FBXL17: variants seen among roughly 807,000 people sequenced by gnomAD.
FBXL17 encodes F-box and leucine rich repeat protein 17.
A neutral mutation model predicts 66.2 loss-of-function variants in FBXL17; 22 were observed. The observed-to-expected ratio is 0.33, with a 90% confidence interval of 0.24 to 0.47. The LOEUF (loss-of-function observed/expected upper bound fraction) is 0.47, where lower values mean the gene tolerates loss of function less well. Among genes scored for constraint, FBXL17 ranks in the 20% least tolerant of loss-of-function variants. FBXL17 has a pLI of 1.00. For missense variants in FBXL17, 878 were observed against 948.2 expected (o/e 0.93, Z 0.97); for synonymous variants, 474 against 400.5 (o/e 1.18, Z -2.19).
intron 7 of FBXL17, among the ~76,000 whole-genome samples, chr5:107,998,533 T>A (rs1196651914): frequency 2.0e-5 from 3 of 151,822 alleles, no homozygotes; most frequent in African/African-American, 7.2e-5. Flanking sequence ...AGATTTAAAT[T>A]AATTCTAAAT....
At chr5:108,143,726 GAAAA>G (rs67537467) in intron 6 of FBXL17, among the ~76,000 whole-genome samples, 1 of 107,546 alleles carries the variant, frequency 9.3e-6, no homozygotes, top group East Asian at 2.8e-4. Context: ...GTTTTCATGG[GAAAA>G]AAAAAAAAAA....
intron 5 of FBXL17, among the ~76,000 whole-genome samples, chr5:108,212,001 T>C (rs915980462): frequency 2.6e-5 from 4 of 152,206 alleles, no homozygotes; most frequent in African/African-American, 7.2e-5. Flanking sequence ...CACAGTCCCA[T>C]ATTTCTTGTT....
intron 3 of FBXL17, among the ~76,000 whole-genome samples, chr5:108,356,301 C>T (rs967870399): frequency 2.0e-5 from 3 of 152,042 alleles, no homozygotes; most frequent in Non-Finnish European, 2.9e-5. Context: ...AGACTCTTAG[C>T]ACATGATCCA....
At chr5:107,908,968 G>A (rs549126623) in intron 7 of FBXL17, among the ~76,000 whole-genome samples, 16 of 152,278 alleles carry the variant, frequency 1.1e-4, no homozygotes, top group Non-Finnish European at 2.2e-4. Flanking sequence ...TTTGCTGGCT[G>A]CAGCACAGCA....
At chr5:107,945,112 C>G (rs1751239216) in intron 7 of FBXL17, among the ~76,000 whole-genome samples, 1 of 151,988 alleles carries the variant, frequency 6.6e-6, no homozygotes, top group African/African-American at 2.4e-5. Context: ...TATGAATGGA[C>G]AATCTAAAAT....
At chr5:108,071,101 A>G (rs1251227422) in intron 6 of FBXL17, among the ~76,000 whole-genome samples, 1 of 152,258 alleles carries the variant, frequency 6.6e-6, no homozygotes, top group Non-Finnish European at 1.5e-5. Flanking sequence ...TTGTGACAAC[A>G]GTATATGTTC....
At chr5:108,231,600 G>A (rs758945398) in intron 4 of FBXL17, among the ~76,000 whole-genome samples, 1 of 152,084 alleles carries the variant, frequency 6.6e-6, no homozygotes, top group Non-Finnish European at 1.5e-5. Context: ...AGAGGTCTTA[G>A]TTCCAGAGGA....
chr5:108,150,158 T>C (rs968595829), intron 6 of FBXL17, among the ~76,000 whole-genome samples: 4 of 152,192 alleles, frequency 2.6e-5, no homozygotes, highest in African/African-American at 9.7e-5. Context: ...AGCATGCATC[T>C]CCTAAGTACT....
chr5:108,299,365 A>G (rs919917232), intron 4 of FBXL17: 43 of 984,386 alleles, frequency 4.4e-5, no homozygotes, highest in Non-Finnish European at 4.9e-5. Flanking sequence ...TACATAGTAC[A>G]GTTTTCAAAC....
At chr5:108,119,354 G>A (rs901589380) in intron 6 of FBXL17, among the ~76,000 whole-genome samples, 7 of 152,134 alleles carry the variant, frequency 4.6e-5, no homozygotes, top group African/African-American at 1.7e-4. Flanking sequence ...TTCAGGGAAT[G>A]GAAACTGCTA....
intron 7 of FBXL17, among the ~76,000 whole-genome samples, chr5:107,927,827 A>G (rs1750580488): frequency 6.6e-6 from 1 of 152,120 alleles, no homozygotes; most frequent in Admixed American, 6.6e-5. Context: ...ATGTGTTCCA[A>G]GAAGTTAAGA....
chr5:108,014,374 C>T (rs1257874689), intron 7 of FBXL17, among the ~76,000 whole-genome samples: 2 of 152,008 alleles, frequency 1.3e-5, no homozygotes, highest in African/African-American at 2.4e-5. Flanking sequence ...GGTAAGCACG[C>T]AAAAACAGGT....
chr5:107,895,514 T>A (rs976069313), intron 7 of FBXL17, among the ~76,000 whole-genome samples: 9 of 152,182 alleles, frequency 5.9e-5, no homozygotes, highest in African/African-American at 2.2e-4. Flanking sequence ...TTTATTTAAC[T>A]GGAACTTCAC....
At chr5:108,174,411 A>G (rs1054817313) in intron 6 of FBXL17, among the ~76,000 whole-genome samples, 2 of 152,158 alleles carry the variant, frequency 1.3e-5, no homozygotes, top group Non-Finnish European at 2.9e-5. Flanking sequence ...ACAGTTCCAA[A>G]GTGCATCTTG....
At chr5:108,267,095 T>A (rs976907011) in intron 4 of FBXL17, among the ~76,000 whole-genome samples, 4 of 152,102 alleles carry the variant, frequency 2.6e-5, no homozygotes, top group African/African-American at 9.7e-5. Flanking sequence ...TCAGATATTG[T>A]CAAATTTTGA....
chr5:107,875,937 A>T (rs1299549399), intron 8 of FBXL17, among the ~76,000 whole-genome samples: 1 of 152,224 alleles, frequency 6.6e-6, no homozygotes, highest in Non-Finnish European at 1.5e-5. Flanking sequence ...AGCCTCTCTC[A>T]TCTTTTCTGG....
intron 7 of FBXL17, among the ~76,000 whole-genome samples, chr5:107,938,792 A>G (rs1309983044): frequency 2.6e-5 from 4 of 152,096 alleles, no homozygotes; most frequent in Non-Finnish European, 5.9e-5. Context: ...TCACTTTTAT[A>G]CCTGAATAAT....
intron 7 of FBXL17, among the ~76,000 whole-genome samples, chr5:107,965,239 A>C (rs755118062): frequency 9.9e-5 from 15 of 152,136 alleles, no homozygotes; most frequent in Non-Finnish European, 1.5e-4. Flanking sequence ...ATTTCACTTA[A>C]GGAATATACT....
At chr5:108,238,324 A>C (rs1456650491) in intron 4 of FBXL17, among the ~76,000 whole-genome samples, 1 of 152,222 alleles carries the variant, frequency 6.6e-6, no homozygotes, top group East Asian at 1.9e-4. Flanking sequence ...CAGTCAAGAC[A>C]ACAATATTTA....
Sources: allele counts gnomAD v4.1 joint callset (sites outside exome capture counted in the v4.1 genomes callset), GRCh38; gene constraint gnomAD v4.1.1; transcripts MANE v1.5; gene names NCBI Gene and HGNC (gene_info 2026-07-23, HGNC 2026-07-21).